Variants in G3BP2 observed in about 807,000 individuals in gnomAD.
G3BP2 encodes the protein ras GTPase-activating protein-binding protein 2.
In G3BP2, 11 loss-of-function variants were observed where a neutral mutation model predicts 56.7. The ratio of observed to expected loss-of-function variants is 0.19; its 90% CI spans 0.12 to 0.32. The LOEUF is 0.32. G3BP2 is among the 10% of genes least tolerant of loss of function. The pLI, the probability that G3BP2 is intolerant of heterozygous loss-of-function variation, is 1.00. For synonymous variants in G3BP2, 165 were observed against 191.6 expected (o/e 0.86, Z 1.15); for missense variants, 340 against 610.9 (o/e 0.56, Z 4.67).
intron 3 of G3BP2, among the ~76,000 whole-genome samples, chr4:75,710,539 G>A (rs1719715968): frequency 6.6e-6 from 1 of 152,174 alleles, no homozygotes; most frequent in Admixed American, 6.6e-5. Context: ...CTCCACAAAA[G>A]CAAACATTTT....
At chr4:75,709,291 G>A (rs539852395) in intron 3 of G3BP2, among the ~76,000 whole-genome samples, 144 of 151,700 alleles carry the variant, frequency 9.5e-4, no homozygotes, top group African/African-American at 3.3e-3. Context: ...GCGGTGGTTG[G>A]CCCCTGTAAT....
intron 3 of G3BP2, among the ~76,000 whole-genome samples, chr4:75,686,875 TAA>T (rs1226498043): frequency 6.6e-6 from 1 of 152,198 alleles, no homozygotes; most frequent in East Asian, 1.9e-4. Flanking sequence ...TTAACTTCCA[TAA>T]ATAGTCTGCA....
intron 1 of G3BP2, chr4:75,672,967 C>A: frequency 6.1e-6 from 6 of 984,338 alleles, no homozygotes; most frequent in Non-Finnish European, 7.2e-6. Context: ...GCCCTCTGCC[C>A]GCAAGACGCT....
intron 3 of G3BP2, among the ~76,000 whole-genome samples, chr4:75,715,937 T>C (rs1719910528): frequency 1.3e-5 from 2 of 152,180 alleles, no homozygotes; most frequent in African/African-American, 2.4e-5. Flanking sequence ...GAGACCTAGA[T>C]AGCAGCACCC....
rs112088539 is a variant in G3BP2 at position 75,703,507 on chromosome 4, C to T, written c.-25+17370G>A. On this transcript the variant is annotated intron_variant, in intron 3 of 3. Coordinates refer to the G3BP2 transcript ENST00000499709. ...CAAAGGGCCAGTCCTAAAATGTATA[C>T]GACTGTGAAATAGACAAACAGGGTT... is the stretch of plus-strand genomic sequence containing the variant. 3.9e-4 allele frequency among the ~76,000 whole-genome samples: 59 copies of T among 152,200 alleles called. 2 individuals are homozygous for T. Among genetic ancestry groups the T allele is most frequent in the African/African-American group, 1.2e-3 (48 of 41,520 alleles).
intron 3 of G3BP2, among the ~76,000 whole-genome samples, chr4:75,697,024 C>G (rs990549078): frequency 6.6e-6 from 1 of 152,066 alleles, no homozygotes; most frequent in Admixed American, 6.6e-5. Flanking sequence ...TGCCTATAAT[C>G]CCAGCACTTT....
At chr4:75,648,850 AGAAT>A in intron 8 of G3BP2, 109 bp from the exon 9 acceptor site, 1 of 634,184 alleles carries the variant, frequency 1.6e-6, no homozygotes, top group Non-Finnish European at 2.8e-6. Flanking sequence ...TTTTAAGTTT[AGAAT>A]GTTTTTAACA....
intron 3 of G3BP2, among the ~76,000 whole-genome samples, chr4:75,719,693 G>C (rs535301565): frequency 1.2e-3 from 181 of 152,032 alleles, no homozygotes; most frequent in African/African-American, 4.2e-3. Flanking sequence ...CAGTTTAAGC[G>C]ATTCTCCTGC....
chr4:75,723,951 A>C (rs1022037823), intron 1 of G3BP2: 6 of 152,100 alleles, frequency 3.9e-5, no homozygotes, highest in African/African-American at 1.4e-4. Flanking sequence ...ACGAAACATT[A>C]TGTTACTCGC....
At chr4:75,681,830 C>T (rs1404831173) in intron 3 of G3BP2, among the ~76,000 whole-genome samples, 1 of 136,680 alleles carries the variant, frequency 7.3e-6, no homozygotes, top group African/African-American at 2.8e-5. Flanking sequence ...GTCTGGGCAA[C>T]AGAGCAAGAC....
At chr4:75,664,319 G>A (rs548893132) in intron 1 of G3BP2, among the ~76,000 whole-genome samples, 1 of 150,542 alleles carries the variant, frequency 6.6e-6, no homozygotes, top group Non-Finnish European at 1.5e-5. Context: ...GCTGACGCCT[G>A]TAATCCCAGC....
chr4:75,708,115 T>G (rs1284966901), intron 3 of G3BP2, among the ~76,000 whole-genome samples: 1 of 152,180 alleles, frequency 6.6e-6, no homozygotes, highest in African/African-American at 2.4e-5. Flanking sequence ...CTTTTCAATT[T>G]CAAACCAGAA....
At chr4:75,701,194 C>G (rs951255251) in intron 3 of G3BP2, among the ~76,000 whole-genome samples, 4 of 152,014 alleles carry the variant, frequency 2.6e-5, no homozygotes, top group African/African-American at 7.2e-5. Context: ...TTCTTATCCC[C>G]CCCAATTTGC....
At chr4:75,707,719 T>C (rs1560421880) in intron 3 of G3BP2, among the ~76,000 whole-genome samples, 3 of 152,168 alleles carry the variant, frequency 2.0e-5, no homozygotes, top group African/African-American at 7.2e-5. Context: ...AAAATGTTGA[T>C]TGGGCCTTAG....
Position 75,645,682 on chromosome 4 carries a change from T to G in G3BP2, c.1197A>C (p.Glu399Asp). The G allele has an allele frequency of 1.2e-6, 2 of 1,613,776 alleles. No homozygotes were observed. The highest frequency in any genetic ancestry group is 2.7e-5 in the African/African-American group (2 of 75,036). The change falls in exon 12 of 12, where the codon GAA (glutamate) becomes GAC (aspartate). Residue 399 changes from glutamate (E) to aspartate (D), a missense_variant. Transcript: ENST00000359707. ...TTTTCTCTTCCACATTTAAACGTAC[T>G]TCCCCTCGAAACATAATCGGCTTTA... ...LIAKPIMFRG[E>D]VRLNVEEKKT... is the part of the protein sequence containing the mutation.
At chr4:75,677,356 A>C (rs554393528), upstream of G3BP2, among the ~76,000 whole-genome samples, 1 of 152,234 alleles carries the variant, frequency 6.6e-6, no homozygotes, top group South Asian at 2.1e-4. Flanking sequence ...GTGGATCACG[A>C]GGTCAGGAGT....
chr4:75,672,487 C>A (rs1299270897), intron 1 of G3BP2: 3 of 152,122 alleles, frequency 2.0e-5, no homozygotes, highest in South Asian at 2.1e-4. Context: ...AAGAGGGGGA[C>A]GAAGAAGGCG....
chr4:75,696,785 T>C (rs1181860984), intron 3 of G3BP2, among the ~76,000 whole-genome samples: 1 of 152,170 alleles, frequency 6.6e-6, no homozygotes, highest in Non-Finnish European at 1.5e-5. Flanking sequence ...ATTTTATAAC[T>C]GTAATCCTTT....
chr4:75,715,380 G>C (rs115857742), intron 3 of G3BP2, among the ~76,000 whole-genome samples: 2,248 of 152,228 alleles, frequency 0.015, 53 homozygotes, highest in African/African-American at 0.051. Context: ...CAGTTTCTTG[G>C]ATCTCTCTCA....
Sources: allele counts gnomAD v4.1 joint callset (sites outside exome capture counted in the v4.1 genomes callset), GRCh38; gene constraint gnomAD v4.1.1; transcripts MANE v1.5; gene names NCBI Gene and HGNC (gene_info 2026-07-23, HGNC 2026-07-21).